JAZF1: variants seen among roughly 807,000 people sequenced by gnomAD.
JAZF1 encodes the protein JAZF zinc finger 1.
A neutral mutation model predicts 26.4 loss-of-function variants in JAZF1; 8 were observed. The observed-to-expected ratio is 0.30, with a 90% CI of 0.18 to 0.55. The LOEUF is 0.55. Among genes scored for constraint, JAZF1 ranks in the 20% least tolerant of loss-of-function variants. JAZF1 has a pLI of 0.94. For missense variants in JAZF1, 199 were observed against 322.0 expected (o/e 0.62, Z 2.92); for synonymous variants, 126 against 122.3 (o/e 1.03, Z -0.20).
At position 28,021,355 on chromosome 7, in the gene JAZF1, C is replaced by T. The variant is rs914119887; in HGVS notation, c.116-29374G>A. On this transcript the variant is annotated intron_variant, in intron 1 of 4. Transcript: ENST00000283928. ...TACGCCCAGGCCCATCACTTCCTAA[C>T]TGTCCATCTGAACATGATCTGTGAG... Among the ~76,000 whole-genome samples, 8 of 152,204 alleles carry T rather than the reference C, an allele frequency of 5.3e-5. No individual in the cohort carries two copies. In the East Asian group the frequency reaches 9.6e-4, roughly 18 times the overall value.
intron 3 of JAZF1, among the ~76,000 whole-genome samples, chr7:27,894,171 G>A (rs1439236380): frequency 2.0e-5 from 3 of 152,118 alleles, no homozygotes; most frequent in African/African-American, 7.2e-5. Flanking sequence ...TCAGGGCAGG[G>A]GGCCTCTCTC....
chr7:28,169,118 G>C (rs1245709228), intron 1 of JAZF1, among the ~76,000 whole-genome samples: 1 of 152,206 alleles, frequency 6.6e-6, no homozygotes, highest in East Asian at 1.9e-4. Flanking sequence ...CTACACTGAA[G>C]GTGCCATGAT....
chr7:27,909,222 C>G (rs1037257103), intron 2 of JAZF1, among the ~76,000 whole-genome samples: 2 of 146,342 alleles, frequency 1.4e-5, no homozygotes, highest in Non-Finnish European at 2.9e-5. Flanking sequence ...TAACCACTTT[C>G]TTTTTTTAAT....
intron 1 of JAZF1, among the ~76,000 whole-genome samples, chr7:28,110,493 G>A (rs1327881486): frequency 7.1e-5 from 3 of 42,030 alleles, no homozygotes; most frequent in South Asian, 9.0e-4. Flanking sequence ...GAAAGGAAAG[G>A]AAAGGAAAGG....
In JAZF1 at chr7:28,174,821, G is replaced by GGGGTGTGTGTGT. The variant is rs758961535; in HGVS notation, c.115+5641_115+5642insACACACACACCC. On this transcript the variant is annotated intron_variant, in intron 1 of 4. Transcript: ENST00000283928. Reference sequence around the variant, plus strand: ...CCTGATCCTGCCTATGGGGTGTGTGGGTGTGTGTGTGTGTGTGTGTGTGTG... The same window carrying GGGGTGTGTGTGT: ...CCTGATCCTGCCTATGGGGTGTGTGGGGGTGTGTGTGTGTGTGTGTGTGTGTGTGTGTGTGTG... 9.3e-5 allele frequency among the ~76,000 whole-genome samples: 10 copies of GGGGTGTGTGTGT among 107,690 alleles called. 1 individual carries two copies. Among genetic ancestry groups the GGGGTGTGTGTGT allele is most frequent in the East Asian group, 2.0e-4 (1 of 4,900 alleles). 70.6% of individuals were successfully genotyped at this position (107,690 alleles called of 152,430 possible).
intron 2 of JAZF1, among the ~76,000 whole-genome samples, chr7:27,971,766 G>T (rs1028259719): frequency 5.3e-5 from 8 of 152,196 alleles, no homozygotes; most frequent in African/African-American, 1.9e-4. Flanking sequence ...AATGTGTATG[G>T]TGGGGGTGGA....
intron 2 of JAZF1, among the ~76,000 whole-genome samples, chr7:27,933,690 T>A (rs1449422105): frequency 1.3e-5 from 2 of 152,208 alleles, no homozygotes; most frequent in Non-Finnish European, 2.9e-5. Context: ...GACAAGATGT[T>A]GGCTTCATTT....
At position 28,013,975 on chromosome 7, in the gene JAZF1, C is replaced by G. The variant is rs1271218109; in HGVS notation, c.116-21994G>C. ...AGAAATAGGCCCAAGAAAAAATTTT[C>G]CAAAAGCAACCAGTGGCAGAACTAG... is the stretch of plus-strand genomic sequence containing the variant. On this transcript the variant is annotated intron_variant, in intron 1 of 4. Coordinates refer to ENST00000283928, the MANE Select transcript of JAZF1 (RefSeq NM_175061.4). Among the ~76,000 whole-genome samples, 3 of 152,088 alleles carry G rather than the reference C, an allele frequency of 2.0e-5. No homozygotes were observed. The South Asian group carries it at 6.2e-4, about 31-fold the overall frequency.
At chr7:27,933,430 C>G (rs1784716302) in intron 2 of JAZF1, among the ~76,000 whole-genome samples, 1 of 152,160 alleles carries the variant, frequency 6.6e-6, no homozygotes, top group South Asian at 2.1e-4. Context: ...CAGTAAAATC[C>G]TTCCTAGGCC....
intron 2 of JAZF1, among the ~76,000 whole-genome samples, chr7:27,916,113 CTGG>C (rs1784440704): frequency 6.6e-6 from 1 of 152,158 alleles, no homozygotes; most frequent in Non-Finnish European, 1.5e-5. Flanking sequence ...CTGGAATTCT[CTGG>C]TGAAGTCAGT....
chr7:28,162,572 T>C (rs1783310432), intron 1 of JAZF1, among the ~76,000 whole-genome samples: 1 of 152,196 alleles, frequency 6.6e-6, no homozygotes, highest in African/African-American at 2.4e-5. Context: ...ACAAGCTAAA[T>C]GGTAAGATCA....
intron 2 of JAZF1, among the ~76,000 whole-genome samples, chr7:27,914,374 G>A (rs1784410379): frequency 6.6e-6 from 1 of 152,192 alleles, no homozygotes; most frequent in African/African-American, 2.4e-5. Flanking sequence ...ACTGTGGGGA[G>A]TATGTTATGC....
At chr7:27,865,946 G>C (rs1226552372) in intron 3 of JAZF1, among the ~76,000 whole-genome samples, 1 of 152,102 alleles carries the variant, frequency 6.6e-6, no homozygotes, top group Non-Finnish European at 1.5e-5. Flanking sequence ...TTGTTCTAGG[G>C]AACAGCCACA....
At chr7:27,936,119 C>A (rs1029888076) in intron 2 of JAZF1, among the ~76,000 whole-genome samples, 4 of 152,192 alleles carry the variant, frequency 2.6e-5, no homozygotes, top group Non-Finnish European at 4.4e-5. Context: ...TTCTTCATTT[C>A]TTTTTCCTAA....
At chr7:27,841,038 TG>T (rs1156545712) in intron 3 of JAZF1, 171 bp from the exon 4 acceptor site, 4 of 613,406 alleles carry the variant, frequency 6.5e-6, no homozygotes, top group Non-Finnish European at 1.1e-5. Context: ...CTTACAACCC[TG>T]GAAGCAGGAG....
At chr7:27,888,985 G>A (rs145707425) in intron 3 of JAZF1, among the ~76,000 whole-genome samples, 86 of 152,230 alleles carry the variant, frequency 5.6e-4, no homozygotes, top group South Asian at 1.7e-3. Flanking sequence ...GATTCATCCC[G>A]GAGGTCAAGG....
chr7:28,035,313 C>CAAAAAA (rs201602870), intron 1 of JAZF1, among the ~76,000 whole-genome samples: 1,173 of 27,400 alleles, frequency 0.043, 194 homozygotes, highest in Non-Finnish European at 0.06. Flanking sequence ...GACTCCATCT[C>CAAAAAA]AAAAAAAAAA....
intron 1 of JAZF1, among the ~76,000 whole-genome samples, chr7:28,002,681 T>C (rs1782623051): frequency 1.3e-5 from 2 of 152,112 alleles, no homozygotes; most frequent in South Asian, 4.1e-4. Flanking sequence ...ACATAGAAAA[T>C]CTAAGAATTC....
intron 4 of JAZF1, 153 bp from the exon 5 acceptor site, chr7:27,833,129 A>C (rs1447459211): frequency 1.9e-6 from 1 of 521,078 alleles, no homozygotes; most frequent in Non-Finnish European, 3.3e-6. Context: ...CTTCAAGGAC[A>C]TTCTGGTGTG....
Sources: gnomAD v4.1 joint callset for allele counts (sites outside exome capture counted in the v4.1 genomes callset) on GRCh38, gnomAD v4.1.1 for gene constraint, MANE v1.5 for transcripts, NCBI Gene and HGNC (gene_info 2026-07-23, HGNC 2026-07-21) for gene names.